ROBO2: variants seen among roughly 807,000 people sequenced by gnomAD.
ROBO2 encodes roundabout homolog 2.
Under a neutral mutation model 160.8 loss-of-function variants are expected in ROBO2, and 53 were observed. The observed-to-expected ratio is 0.33, with a 90% confidence interval of 0.26 to 0.41. The LOEUF (loss-of-function observed/expected upper bound fraction) is 0.41. ROBO2 is among the 10% of genes least tolerant of loss of function. The pLI, the probability that ROBO2 is intolerant of heterozygous loss-of-function variation, is 1.00. For synonymous variants in ROBO2, 664 were observed against 611.7 expected, an observed-to-expected ratio of 1.09 and a Z score of -1.26; for missense variants, 1,577 against 1,722.4, an observed-to-expected ratio of 0.92 and a Z score of 1.49.
At chr3:76,092,891 T>G (rs929165112) in intron 2 of ROBO2, among the ~76,000 whole-genome samples, 2 of 152,186 alleles carry the variant, frequency 1.3e-5, no homozygotes, top group Admixed American at 1.3e-4. Context: ...ATTTTCCTGA[T>G]AGAAATCACG....
At chr3:76,793,965 G>A (rs1313334309) in intron 2 of ROBO2, among the ~76,000 whole-genome samples, 1 of 151,756 alleles carries the variant, frequency 6.6e-6, no homozygotes, top group East Asian at 1.9e-4. Context: ...CCATCTATTT[G>A]TTGCCTTCTT....
At chr3:76,644,853 A>G (rs542889909) in intron 2 of ROBO2, among the ~76,000 whole-genome samples, 1 of 152,312 alleles carries the variant, frequency 6.6e-6, no homozygotes, top group East Asian at 1.9e-4. Context: ...TATGCTTACT[A>G]TATGTCAGGC....
intron 2 of ROBO2, among the ~76,000 whole-genome samples, chr3:77,265,632 A>G (rs2059074190): frequency 6.6e-6 from 1 of 152,186 alleles, no homozygotes; most frequent in East Asian, 1.9e-4. Flanking sequence ...CATACATAAG[A>G]CATTCCTATT....
intron 2 of ROBO2, among the ~76,000 whole-genome samples, chr3:76,932,666 TG>T (rs939848909): frequency 1.9e-4 from 29 of 152,318 alleles, no homozygotes; most frequent in African/African-American, 6.0e-4. Context: ...ATGTTATTTT[TG>T]CTTAAGAGAA....
intron 2 of ROBO2, among the ~76,000 whole-genome samples, chr3:76,966,191 G>C (rs1250349069): frequency 6.6e-6 from 1 of 151,874 alleles, no homozygotes; most frequent in Non-Finnish European, 1.5e-5. Context: ...CAAAGTGCTG[G>C]GATTACAGGC....
chr3:76,887,703 A>AT (rs1405438977), intron 2 of ROBO2, among the ~76,000 whole-genome samples: 3 of 152,196 alleles, frequency 2.0e-5, no homozygotes, highest in African/African-American at 7.2e-5. Context: ...TTCACCTGCA[A>AT]TTACATTATG....
At chr3:76,046,435 G>A (rs572248383) in intron 2 of ROBO2, among the ~76,000 whole-genome samples, 1 of 151,922 alleles carries the variant, frequency 6.6e-6, no homozygotes, top group Non-Finnish European at 1.5e-5. Flanking sequence ...GGATCACAAG[G>A]TCAGGAGATC....
At chr3:77,343,865 C>A (rs991032212) in intron 2 of ROBO2, among the ~76,000 whole-genome samples, 8 of 152,086 alleles carry the variant, frequency 5.3e-5, no homozygotes, top group Non-Finnish European at 1.0e-4. Flanking sequence ...AGTCTGCAAA[C>A]CATTTATGCT....
chr3:76,070,236 C>A (rs189622929), intron 2 of ROBO2, among the ~76,000 whole-genome samples: 388 of 152,320 alleles, frequency 2.5e-3, no homozygotes, highest in Non-Finnish European at 2.9e-3. Context: ...TCTCTTCTTT[C>A]AAAAGCAAAT....
intron 2 of ROBO2, among the ~76,000 whole-genome samples, chr3:77,218,560 G>A (rs948803877): frequency 1.3e-5 from 2 of 152,000 alleles, no homozygotes; most frequent in African/African-American, 4.8e-5. Context: ...TTTTAGTAGA[G>A]ATGGGGTTTT....
rs1488386304 is a variant in ROBO2 at position 76,272,919 on chromosome 3, T to TATATA, written c.109+335318_109+335322dup. On this transcript the variant is annotated intron_variant, in intron 2 of 26. Coordinates refer to the ROBO2 transcript ENST00000487694. ...ATATAATATATATTTATATATAAAA[T>TATATA]ATATATATTTATATATAAATATATA... Among the ~76,000 whole-genome samples, 16 of 21,558 alleles carry TATATA rather than the reference T, an allele frequency of 7.4e-4. 1 individual carries two copies. In the South Asian group the frequency reaches 0.016, roughly 22 times the overall value. The allele number at this position is 21,558 out of a possible 152,430, so 14.1% of individuals were successfully genotyped here.
At chr3:77,036,336 C>A (rs1297627085), upstream of ROBO2, among the ~76,000 whole-genome samples, 4 of 151,998 alleles carry the variant, frequency 2.6e-5, no homozygotes, top group Non-Finnish European at 5.9e-5. Context: ...ATGGATCAAA[C>A]CTTTGATTTT....
chr3:77,427,648 GA>G (rs2078340182), intron 2 of ROBO2, among the ~76,000 whole-genome samples: 1 of 152,162 alleles, frequency 6.6e-6, no homozygotes, highest in Non-Finnish European at 1.5e-5. Context: ...CAGGGAAAAA[GA>G]AAGAAAATAA....
At chr3:76,713,269 T>G (rs2093329032) in intron 2 of ROBO2, among the ~76,000 whole-genome samples, 1 of 152,210 alleles carries the variant, frequency 6.6e-6, no homozygotes, top group Middle Eastern at 3.2e-3. Flanking sequence ...TATTTTAATG[T>G]TGCTTTGGAT....
chr3:77,200,267 T>TA (rs2082724800), intron 2 of ROBO2, among the ~76,000 whole-genome samples: 30 of 46,552 alleles, frequency 6.4e-4, no homozygotes, highest in Non-Finnish European at 1.2e-3. Context: ...CTAACATATT[T>TA]TATATATATA....
chr3:76,536,561 C>T (rs1040414293), intron 2 of ROBO2, among the ~76,000 whole-genome samples: 1 of 151,980 alleles, frequency 6.6e-6, no homozygotes, highest in African/African-American at 2.4e-5. Flanking sequence ...TTCAACTAGG[C>T]AAGAGACCAT....
chr3:77,277,999 T>A (rs1328533628), intron 2 of ROBO2, among the ~76,000 whole-genome samples: 1 of 152,146 alleles, frequency 6.6e-6, no homozygotes, highest in African/African-American at 2.4e-5. Context: ...TAATCACCAT[T>A]CTGACTGGCA....
chr3:76,803,397 G>T (rs950429112), intron 2 of ROBO2, among the ~76,000 whole-genome samples: 2 of 148,532 alleles, frequency 1.3e-5, no homozygotes, highest in Non-Finnish European at 1.5e-5. Context: ...AAAGGAGGAG[G>T]AGGATACAGA....
intron 2 of ROBO2, among the ~76,000 whole-genome samples, chr3:77,465,261 C>T (rs924214004): frequency 3.9e-5 from 6 of 152,066 alleles, no homozygotes; most frequent in African/African-American, 1.4e-4. Flanking sequence ...ATGGAGGTTT[C>T]GTAGACTTTC....
Sources: gnomAD v4.1 joint callset for allele counts (sites outside exome capture counted in the v4.1 genomes callset) on GRCh38, gnomAD v4.1.1 for gene constraint, MANE v1.5 for transcripts, NCBI Gene and HGNC (gene_info 2026-07-23, HGNC 2026-07-21) for gene names.